The following CDON variants were observed in gnomAD, a reference collection of about 807,000 sequenced individuals.
The protein encoded by CDON is cell adhesion molecule-related/down-regulated by oncogenes.
A neutral mutation model predicts 120.9 loss-of-function variants in CDON; 73 were observed. That is an observed-to-expected ratio of 0.60 (90% CI 0.50 to 0.73). The LOEUF (loss-of-function observed/expected upper bound fraction) is 0.73. Among genes scored for constraint, CDON ranks in the 30% least tolerant of loss-of-function variants. The pLI is 0.00. For synonymous variants in CDON, 566 were observed against 573.5 expected, an observed-to-expected ratio of 0.99 and a Z score of 0.19; for missense variants, 1,470 against 1,587.3, an observed-to-expected ratio of 0.93 and a Z score of 1.26.
rs1946093799 is a variant in CDON at position 125,974,386 on chromosome 11, A to AGGGAGGGAGGGAGGGAGGG, written c.3356+3917_3356+3918insCCCTCCCTCCCTCCCTCCC. 3.3e-3 allele frequency among the ~76,000 whole-genome samples: 98 copies of AGGGAGGGAGGGAGGGAGGG among 29,642 alleles called. 10 individuals carry two copies. The highest frequency in any genetic ancestry group is 5.0e-3 in the African/African-American group (35 of 6,976). The allele number at this position is 29,642 out of a possible 152,430, so 19.4% of individuals were successfully genotyped here. A position where few individuals can be genotyped will look rare whatever the true frequency, so the allele number is the denominator to read the frequency against. ...GTAGGTAGGAAGGAAGGAAGGAAGG[A>AGGGAGGGAGGGAGGGAGGG]AGGAAGGGAGGGAGGGAGGGAGGGA... On this transcript the variant is annotated intron_variant, in intron 18 of 19. Coordinates refer to ENST00000531738, the MANE Select transcript of CDON (RefSeq NM_001378964.1).
intron 12 of CDON, among the ~76,000 whole-genome samples, chr11:125,996,913 C>G (rs1042096324): frequency 5.3e-5 from 8 of 152,064 alleles, no homozygotes; most frequent in Non-Finnish European, 1.2e-4. Flanking sequence ...ATGGCTCACG[C>G]CTGTAATCCC....
At chr11:126,049,174 G>T (rs1008267559) in intron 1 of CDON, among the ~76,000 whole-genome samples, 2 of 151,970 alleles carry the variant, frequency 1.3e-5, no homozygotes, top group African/African-American at 4.8e-5. Flanking sequence ...AGTTTATACT[G>T]GGCATTTAGA....
rs143998213 is a variant in CDON, at chr11:125,997,121, C to A, written c.2362+86G>T. On this transcript the variant is annotated intron_variant, in intron 12 of 19. Coordinates refer to ENST00000531738, the MANE Select transcript of CDON (RefSeq NM_001378964.1). ...GCCACTGCACTCCAGCCTGGGCCAA[C>A]AGAGTGAGACCCTGTCTCAAAATAT... 7.2e-4 allele frequency: 797 copies of A among 1,111,248 alleles called. 19 individuals are homozygous for A. In the East Asian group the frequency reaches 0.019, roughly 27 times the overall value. The allele number at this position is 1,111,248 out of a possible 1,614,324, so 68.8% of individuals were successfully genotyped here. A position where few individuals can be genotyped will look rare whatever the true frequency, so the allele number is the denominator to read the frequency against.
At position 125,980,586 on chromosome 11, in the gene CDON, TGTAA is replaced by T. The variant is rs200412960; in HGVS notation, c.3276+459_3276+462del. 6.0e-3 allele frequency among the ~76,000 whole-genome samples: 901 copies of T among 151,102 alleles called. 6 individuals are homozygous for T. The highest frequency in any genetic ancestry group is 0.01 in the Middle Eastern group (3 of 288). Reference sequence around the variant, plus strand: ...CACTGCGCCCTCAGTCCATGACGACTGTAAGTGTCAAACCGCGGCTGCTTCCTGA... The same window carrying T: ...CACTGCGCCCTCAGTCCATGACGACTGTGTCAAACCGCGGCTGCTTCCTGA... On this transcript the variant is annotated intron_variant, in intron 17 of 19. Coordinates refer to ENST00000531738, the MANE Select transcript of CDON (RefSeq NM_001378964.1).
intron 7 of CDON, among the ~76,000 whole-genome samples, chr11:126,012,127 G>A (rs149453681): frequency 6.6e-5 from 10 of 152,104 alleles, no homozygotes; most frequent in East Asian, 1.9e-4. Flanking sequence ...TTTCTCCTTC[G>A]AGTGTCTTTG....
intron 1 of CDON, among the ~76,000 whole-genome samples, chr11:126,037,749 G>T (rs1948139747): frequency 6.6e-6 from 1 of 151,978 alleles, no homozygotes; most frequent in Non-Finnish European, 1.5e-5. Context: ...AGTCTAAATG[G>T]ATTTATCTCC....
intron 16 of CDON, 25 bp downstream of exon 16, chr11:125,983,847 A>G: frequency 6.6e-7 from 1 of 1,517,348 alleles, no homozygotes. Flanking sequence ...AGAAAAAGAG[A>G]AGGAGATATT....
At chr11:126,033,637 T>C (rs566685608) in intron 1 of CDON, among the ~76,000 whole-genome samples, 1 of 152,222 alleles carries the variant, frequency 6.6e-6, no homozygotes, top group African/African-American at 2.4e-5. Flanking sequence ...TCCAAGGTAC[T>C]ACAGTGTAGG....
At chr11:126,010,838 C>T in intron 7 of CDON, 144 bp from the exon 8 acceptor site, 1 of 712,046 alleles carries the variant, frequency 1.4e-6, no homozygotes, top group Non-Finnish European at 2.5e-6. Flanking sequence ...TCTCAACTTT[C>T]ACCAAGTAAG....
intron 10 of CDON, among the ~76,000 whole-genome samples, chr11:126,002,302 A>G (rs1204909031): frequency 6.6e-6 from 1 of 152,234 alleles, no homozygotes; most frequent in African/African-American, 2.4e-5. Context: ...ACTGAAATGC[A>G]TGATTACTCA....
At chr11:126,036,196 G>A (rs938429967) in intron 1 of CDON, among the ~76,000 whole-genome samples, 3 of 152,154 alleles carry the variant, frequency 2.0e-5, no homozygotes, top group Admixed American at 2.0e-4. Flanking sequence ...TGGTATCAAT[G>A]TATAAAGCAG....
At chr11:126,041,059 C>T (rs2134833350) in intron 1 of CDON, among the ~76,000 whole-genome samples, 1 of 149,972 alleles carries the variant, frequency 6.7e-6, no homozygotes, top group South Asian at 2.1e-4. Context: ...CGTGGTGGTG[C>T]ACGCCTGTAA....
intron 12 of CDON, among the ~76,000 whole-genome samples, chr11:125,996,485 G>A (rs1946787443): frequency 6.6e-6 from 1 of 150,982 alleles, no homozygotes; most frequent in Non-Finnish European, 1.5e-5. Context: ...GATCACCTGA[G>A]GTCAGGAGTT....
intron 18 of CDON, among the ~76,000 whole-genome samples, chr11:125,974,377 G>A (rs1946091859): frequency 1.6e-5 from 1 of 60,726 alleles, no homozygotes; most frequent in Non-Finnish European, 3.8e-5. Flanking sequence ...AGGAAGGAAG[G>A]AAGGAAGGAA....
intron 1 of CDON, among the ~76,000 whole-genome samples, chr11:126,035,522 C>A (rs1948072302): frequency 6.6e-6 from 1 of 152,136 alleles, no homozygotes; most frequent in South Asian, 2.1e-4. Flanking sequence ...ACAGCTTCAT[C>A]AAAGCTGTCA....
chr11:126,048,955 G>A (rs563344408), intron 1 of CDON, among the ~76,000 whole-genome samples: 4 of 152,170 alleles, frequency 2.6e-5, no homozygotes, highest in East Asian at 1.9e-4. Flanking sequence ...CGCCCACCTC[G>A]GCCTTCCAAA....
chr11:126,021,584 T>G, intron 2 of CDON, 64 bp from the exon 3 acceptor site: 312 of 1,106,664 alleles, frequency 2.8e-4, no homozygotes, highest in Non-Finnish European at 3.8e-4. Flanking sequence ...AGAAAGAAGA[T>G]TACATTAAAC....
intron 18 of CDON, among the ~76,000 whole-genome samples, chr11:125,965,129 C>T (rs950871494): frequency 1.3e-5 from 2 of 152,170 alleles, no homozygotes; most frequent in Non-Finnish European, 2.9e-5. Context: ...CGGGGTTTCA[C>T]CGTGTTGCCC....
intron 18 of CDON, among the ~76,000 whole-genome samples, chr11:125,963,897 C>T (rs1000363866): frequency 5.3e-5 from 8 of 152,340 alleles, no homozygotes; most frequent in South Asian, 4.2e-4. Context: ...TGCAGAAGGA[C>T]GTTAACTGGA....
Sources: gnomAD v4.1 joint callset for allele counts (sites outside exome capture counted in the v4.1 genomes callset) on GRCh38, gnomAD v4.1.1 for gene constraint, MANE v1.5 for transcripts, NCBI Gene and HGNC (gene_info 2026-07-23, HGNC 2026-07-21) for gene names.